The following LIMS1 variants were observed in gnomAD, a reference collection of about 807,000 sequenced individuals.
LIMS1 encodes the protein LIM zinc finger domain containing 1, also known as LIM and senescent cell antigen-like-containing domain protein 1.
Under a neutral mutation model 44.1 loss-of-function variants are expected in LIMS1, and 18 were observed. The observed-to-expected ratio is 0.41, with a 90% CI of 0.28 to 0.61. The LOEUF (loss-of-function observed/expected upper bound fraction) is 0.61, where lower values mean the gene tolerates loss of function less well. Ranked by LOEUF, LIMS1 falls within the 20% of genes least tolerant of loss-of-function variation. LIMS1 has a pLI of 0.32. For missense variants in LIMS1, 201 were observed against 422.0 expected, an observed-to-expected ratio of 0.48 and a Z score of 4.59; for synonymous variants, 93 against 149.1, an observed-to-expected ratio of 0.62 and a Z score of 2.74.
chr2:108,601,972 TTTTC>T, intron 1 of LIMS1, among the ~76,000 whole-genome samples: 1 of 152,380 alleles, frequency 6.6e-6, no homozygotes, highest in African/African-American at 2.4e-5. Flanking sequence ...TTCTATTCAA[TTTTC>T]TTTATCAGTG....
At chr2:108,629,928 C>T (rs1181979385) in intron 1 of LIMS1, among the ~76,000 whole-genome samples, 1 of 152,204 alleles carries the variant, frequency 6.6e-6, no homozygotes, top group Admixed American at 6.5e-5. Context: ...CACTGTCGCT[C>T]ATGCCTGTAA....
At chr2:108,614,146 G>T (rs527747847) in intron 1 of LIMS1, among the ~76,000 whole-genome samples, 2 of 152,152 alleles carry the variant, frequency 1.3e-5, no homozygotes, top group Admixed American at 6.5e-5. Context: ...CAGACTCTCC[G>T]CATGTGACTT....
intron 2 of LIMS1, among the ~76,000 whole-genome samples, chr2:108,667,683 AGTC>A (rs1311162542): frequency 1.3e-5 from 2 of 151,868 alleles, no homozygotes; most frequent in East Asian, 1.9e-4. Flanking sequence ...GTTTTTACAC[AGTC>A]GTCTTATGGT....
intron 1 of LIMS1, among the ~76,000 whole-genome samples, chr2:108,539,330 C>A (rs778233478): frequency 6.6e-6 from 1 of 152,214 alleles, no homozygotes; most frequent in African/African-American, 2.4e-5. Context: ...AGCGATCCGC[C>A]CTTCTCGGCC....
At chr2:108,622,325 C>G (rs1469585938) in intron 1 of LIMS1, among the ~76,000 whole-genome samples, 1 of 152,028 alleles carries the variant, frequency 6.6e-6, no homozygotes, top group Non-Finnish European at 1.5e-5. Flanking sequence ...GTTCTTTTTC[C>G]TACAAACTAA....
chr2:108,536,239 G>A (rs2104560243), intron 1 of LIMS1, among the ~76,000 whole-genome samples: 1 of 152,174 alleles, frequency 6.6e-6, no homozygotes, highest in African/African-American at 2.4e-5. Context: ...TCAAATTATT[G>A]TGCATCCGTA....
At chr2:108,545,468 C>T (rs914935973) in intron 1 of LIMS1, among the ~76,000 whole-genome samples, 7 of 152,112 alleles carry the variant, frequency 4.6e-5, no homozygotes, top group African/African-American at 1.7e-4. Context: ...CTCCTGACCT[C>T]GGTGATCCAC....
intron 1 of LIMS1, among the ~76,000 whole-genome samples, chr2:108,617,774 TGCAAAG>T (rs1363492064): frequency 5.3e-5 from 8 of 152,152 alleles, no homozygotes; most frequent in Non-Finnish European, 1.0e-4. Context: ...AAGCCATATG[TGCAAAG>T]GCTAGAAAGT....
chr2:108,539,451 A>C (rs965467189), intron 1 of LIMS1, among the ~76,000 whole-genome samples: 10 of 152,196 alleles, frequency 6.6e-5, no homozygotes, highest in African/African-American at 2.4e-4. Flanking sequence ...TCCATGTTCT[A>C]GTCCTAGTTC....
Position 108,546,238 on chromosome 2 carries a change from T to G in LIMS1, c.32+11644T>G, listed in dbSNP as rs182449587. On this transcript the variant is annotated intron_variant, in intron 1 of 9. Coordinates refer to ENST00000544547, the Ensembl canonical transcript of LIMS1. ...GGTGTCACTTTCTGACTTGGACTAG[T>G]GATTGTTTTCCCTTGCTCTCAGGCT... Among the ~76,000 whole-genome samples the G allele has an allele frequency of 2.8e-4, 42 of 151,598 alleles. No individual in the cohort carries two copies. In the East Asian group the frequency reaches 7.9e-3, roughly 29 times the overall value.
At chr2:108,652,550 G>A (rs1230845779) in intron 1 of LIMS1, among the ~76,000 whole-genome samples, 1 of 152,244 alleles carries the variant, frequency 6.6e-6, no homozygotes, top group African/African-American at 2.4e-5. Flanking sequence ...AGAGGTATGT[G>A]ATGGTCAGAG....
chr2:108,540,444 C>T (rs932308693), intron 1 of LIMS1, among the ~76,000 whole-genome samples: 13 of 152,150 alleles, frequency 8.5e-5, no homozygotes, highest in Middle Eastern at 3.4e-3. Context: ...GTGATCTGCC[C>T]GCCTCGGCCT....
intron 1 of LIMS1, among the ~76,000 whole-genome samples, chr2:108,627,388 G>A (rs934169913): frequency 2.9e-5 from 4 of 140,054 alleles, no homozygotes; most frequent in Non-Finnish European, 6.0e-5. Context: ...ATTGAATAAT[G>A]ATCCCTTTCT....
chr2:108,551,951 G>GTATA (rs1236593437), intron 1 of LIMS1, among the ~76,000 whole-genome samples: 3,019 of 128,174 alleles, frequency 0.024, 40 homozygotes, highest in Middle Eastern at 0.038. Context: ...GTGTGTGTGT[G>GTATA]TGTATATATA....
At chr2:108,672,165 CAAAAAAAAA>C (rs559219796) in intron 3 of LIMS1, among the ~76,000 whole-genome samples, 151 bp from the exon 4 acceptor site, 4 of 56,828 alleles carry the variant, frequency 7.0e-5, no homozygotes, top group African/African-American at 1.7e-4. Flanking sequence ...GAAACTGTCT[CAAAAAAAAA>C]AAAAAAAAAA....
intron 1 of LIMS1, among the ~76,000 whole-genome samples, chr2:108,646,438 C>A (rs1690067633): frequency 6.6e-6 from 1 of 152,092 alleles, no homozygotes; most frequent in African/African-American, 2.4e-5. Context: ...CCAATGAGAA[C>A]AAAGACACAA....
chr2:108,579,380 C>G (rs1484757297), intron 1 of LIMS1, among the ~76,000 whole-genome samples: 1 of 152,118 alleles, frequency 6.6e-6, no homozygotes, highest in Admixed American at 6.5e-5. Flanking sequence ...TGTTTCCAAG[C>G]ATATGAACTT....
At chr2:108,553,822 A>G (rs1029951575) in intron 1 of LIMS1, among the ~76,000 whole-genome samples, 4 of 152,234 alleles carry the variant, frequency 2.6e-5, no homozygotes, top group Non-Finnish European at 4.4e-5. Flanking sequence ...TTCAATCTGA[A>G]CATCCAGGAT....
chr2:108,647,801 A>G (rs1464389270), intron 1 of LIMS1, among the ~76,000 whole-genome samples: 1 of 152,220 alleles, frequency 6.6e-6, no homozygotes, highest in Admixed American at 6.5e-5. Context: ...CTAGGCATTG[A>G]TGGAATGTAT....
Sources: gnomAD v4.1 joint callset for allele counts (sites outside exome capture counted in the v4.1 genomes callset) on GRCh38, gnomAD v4.1.1 for gene constraint, MANE v1.5 for transcripts, NCBI Gene and HGNC (gene_info 2026-07-23, HGNC 2026-07-21) for gene names.